VWC2L: variants seen among roughly 807,000 people sequenced by gnomAD.
VWC2L encodes the protein von Willebrand factor C domain containing 2 like.
VWC2L carries 10 observed loss-of-function variants against 21.6 expected under a neutral mutation model. The ratio of observed to expected loss-of-function variants is 0.46; its 90% CI spans 0.29 to 0.78. VWC2L has a LOEUF of 0.78. Among genes scored for constraint, VWC2L ranks in the 30% least tolerant of loss-of-function variants. VWC2L has a pLI of 0.10. For synonymous variants in VWC2L, 96 were observed against 94.3 expected, an observed-to-expected ratio of 1.02 and a Z score of -0.10; for missense variants, 209 against 277.1, an observed-to-expected ratio of 0.75 and a Z score of 1.74.
At chr2:214,557,369 T>C (rs534341680) in intron 3 of VWC2L, among the ~76,000 whole-genome samples, 2 of 152,210 alleles carry the variant, frequency 1.3e-5, no homozygotes, top group African/African-American at 4.8e-5. Flanking sequence ...ACCCCCATGA[T>C]TAAATTATCT....
chr2:214,569,683 C>A (rs1157409159), intron 3 of VWC2L, among the ~76,000 whole-genome samples: 1 of 152,158 alleles, frequency 6.6e-6, no homozygotes, highest in African/African-American at 2.4e-5. Context: ...ATCACTTCAA[C>A]CCCATTAGCC....
intron 3 of VWC2L, among the ~76,000 whole-genome samples, chr2:214,567,696 G>A (rs1690090230): frequency 6.6e-6 from 1 of 151,922 alleles, no homozygotes; most frequent in African/African-American, 2.4e-5. Context: ...GAAATGAAAA[G>A]TAGTTCTAAC....
At chr2:214,532,651 TTG>T (rs1269865059) in intron 3 of VWC2L, among the ~76,000 whole-genome samples, 1 of 152,158 alleles carries the variant, frequency 6.6e-6, no homozygotes, top group Non-Finnish European at 1.5e-5. Context: ...TCAAGCATTT[TTG>T]TGTATGGTTG....
intron 3 of VWC2L, among the ~76,000 whole-genome samples, chr2:214,437,741 A>G (rs1470039145): frequency 2.0e-5 from 3 of 152,180 alleles, no homozygotes; most frequent in African/African-American, 7.2e-5. Context: ...GGTAATTAGT[A>G]AAAATAAGCA....
intron 3 of VWC2L, 127 bp from the exon 4 acceptor site, chr2:214,575,545 C>A: frequency 3.0e-6 from 3 of 987,972 alleles, no homozygotes; most frequent in South Asian, 1.9e-5. Flanking sequence ...CTAGAAAATT[C>A]CTTGATGATA....
At chr2:214,533,546 AAAG>A (rs1464697315) in intron 3 of VWC2L, among the ~76,000 whole-genome samples, 46 of 112,048 alleles carry the variant, frequency 4.1e-4, no homozygotes, top group Middle Eastern at 4.7e-3. Flanking sequence ...TAGAGGGGAA[AAAG>A]AAAAAAAAAA....
chr2:214,519,554 G>T (rs4233998), intron 3 of VWC2L, among the ~76,000 whole-genome samples: 11 of 152,192 alleles, frequency 7.2e-5, no homozygotes, highest in African/African-American at 2.7e-4. Flanking sequence ...GAATCTGAAA[G>T]AATTTTCAAG....
chr2:214,565,931 A>G (rs1404892652), intron 3 of VWC2L, among the ~76,000 whole-genome samples: 5 of 152,200 alleles, frequency 3.3e-5, no homozygotes, highest in Admixed American at 1.3e-4. Flanking sequence ...TGAAACGTGG[A>G]CAGTCTGGCT....
chr2:214,559,470 T>C (rs555104292), intron 3 of VWC2L, among the ~76,000 whole-genome samples: 2 of 152,268 alleles, frequency 1.3e-5, no homozygotes, highest in African/African-American at 4.8e-5. Context: ...CCTGTGGGGC[T>C]CTGCTGCCTG....
rs192838447 is a variant in VWC2L at position 214,545,365 on chromosome 2, C to T, written c.521-30307C>T. Among the ~76,000 whole-genome samples, 3 of 152,240 alleles carry T rather than the reference C, an allele frequency of 2.0e-5. No individual in the cohort carries two copies. In the East Asian group the frequency reaches 5.8e-4, roughly 29 times the overall value. ...CTGAATATCAGCCCTAAACAAACTG[C>T]TCTAGAAAATATGGAATTACACATG... On this transcript the variant is annotated intron_variant, in intron 3 of 3. Coordinates refer to ENST00000312504, the MANE Select transcript of VWC2L (RefSeq NM_001080500.4).
At chr2:214,545,693 A>G (rs554209563) in intron 3 of VWC2L, among the ~76,000 whole-genome samples, 7 of 152,308 alleles carry the variant, frequency 4.6e-5, no homozygotes, top group African/African-American at 1.7e-4. Flanking sequence ...TTTCAACCAC[A>G]TTGAAAATAG....
At chr2:214,486,866 T>C (rs909181178) in intron 3 of VWC2L, among the ~76,000 whole-genome samples, 4 of 152,176 alleles carry the variant, frequency 2.6e-5, no homozygotes, top group South Asian at 2.1e-4. Flanking sequence ...AAACCAGACA[T>C]GGAAATTTAG....
At chr2:214,575,629 C>T in intron 3 of VWC2L, 43 bp from the exon 4 acceptor site, 1 of 1,602,446 alleles carries the variant, frequency 6.2e-7, no homozygotes, top group South Asian at 1.1e-5. Context: ...GAAAGGGAGC[C>T]TCTCAGATTT....
intron 3 of VWC2L, among the ~76,000 whole-genome samples, chr2:214,477,279 G>A (rs1277368326): frequency 1.3e-5 from 2 of 152,202 alleles, no homozygotes; most frequent in Admixed American, 6.5e-5. Flanking sequence ...CCAAGCAATG[G>A]AAGGAGCCAG....
chr2:214,516,786 C>T (rs1357463521), intron 3 of VWC2L, among the ~76,000 whole-genome samples: 2 of 151,924 alleles, frequency 1.3e-5, no homozygotes, highest in South Asian at 2.1e-4. Context: ...TGTAGACTTA[C>T]GTTTGGTCCC....
At chr2:214,483,534 C>T (rs1232365862) in intron 3 of VWC2L, among the ~76,000 whole-genome samples, 1 of 152,124 alleles carries the variant, frequency 6.6e-6, no homozygotes, top group Non-Finnish European at 1.5e-5. Flanking sequence ...CTCCAAAAAT[C>T]TGTTCTCTTT....
chr2:214,431,369 T>C (rs1010593746), intron 2 of VWC2L, among the ~76,000 whole-genome samples: 1 of 152,188 alleles, frequency 6.6e-6, no homozygotes, highest in African/African-American at 2.4e-5. Context: ...AGATTTTAAA[T>C]AGTTGTTTAA....
At chr2:214,572,529 CA>C (rs1259784939) in intron 3 of VWC2L, among the ~76,000 whole-genome samples, 1 of 152,144 alleles carries the variant, frequency 6.6e-6, no homozygotes, top group Non-Finnish European at 1.5e-5. Context: ...AATCAGTCCC[CA>C]AATACAAGGT....
At chr2:214,540,585 G>A (rs1689610547) in intron 3 of VWC2L, among the ~76,000 whole-genome samples, 1 of 152,178 alleles carries the variant, frequency 6.6e-6, no homozygotes, top group African/African-American at 2.4e-5. Context: ...AGGATGGAAG[G>A]CTTTTATTTC....
Sources: allele counts gnomAD v4.1 joint callset (sites outside exome capture counted in the v4.1 genomes callset), GRCh38; gene constraint gnomAD v4.1.1; transcripts MANE v1.5; gene names NCBI Gene and HGNC (gene_info 2026-07-23, HGNC 2026-07-21).